The following ACSM2A variants were observed in gnomAD, a reference collection of about 807,000 sequenced individuals.
ACSM2A encodes acyl-CoA synthetase medium chain family member 2A.
ACSM2A carries 72 observed loss-of-function variants against 76.6 expected under a neutral mutation model. The ratio of observed to expected loss-of-function variants is 0.94; its 90% CI spans 0.78 to 1.14. The LOEUF is 1.14. Among genes scored for constraint, ACSM2A ranks in the 50% most tolerant of loss-of-function variants. The pLI, the probability that ACSM2A is intolerant of heterozygous loss-of-function variation, is 0.00. For missense variants in ACSM2A, 684 were observed against 708.5 expected (o/e 0.97, Z 0.39); for synonymous variants, 249 against 255.9 (o/e 0.97, Z 0.26).
chr16:20,486,014 A>G (rs532843703), intron 13 of ACSM2A, among the ~76,000 whole-genome samples: 1 of 152,340 alleles, frequency 6.6e-6, no homozygotes, highest in East Asian at 1.9e-4. Context: ...CTTAGGGTAC[A>G]TTGATAGGAA....
intron 2 of ACSM2A, among the ~76,000 whole-genome samples, chr16:20,462,833 A>G (rs2012711923): frequency 6.6e-6 from 1 of 152,076 alleles, no homozygotes; most frequent in African/African-American, 2.4e-5. Flanking sequence ...TACACCAAAA[A>G]AAACTTAAAA....
Position 20,471,138 on chromosome 16 carries a change from C to T in ACSM2A, c.662C>T (p.Thr221Ile), listed in dbSNP as rs760300722. ...CAGGAAGCATCTGCCATCTACTTCA[C>T]TAGTGGGACCAGTGGTCTTCCCAAG... is the stretch of plus-strand genomic sequence containing the variant. ...GSQEASAIYF[T>I]SGTSGLPKMA... The change falls in exon 5 of 14, where the codon ACT becomes ATT. Residue 221 changes from threonine (T) to isoleucine (I), a missense_variant. Coordinates refer to ENST00000573854, the MANE Select transcript of ACSM2A (RefSeq NM_001308172.2). 15 of 1,613,656 alleles carry T rather than the reference C, an allele frequency of 9.3e-6. No individual in the cohort carries two copies. Among genetic ancestry groups the T allele is most frequent in the East Asian group, 2.2e-5 (1 of 44,866 alleles).
At chr16:20,480,430 G>A (rs966253687) in intron 10 of ACSM2A, 143 bp from the exon 11 acceptor site, 62 of 1,451,294 alleles carry the variant, frequency 4.3e-5, no homozygotes, top group Non-Finnish European at 1.0e-5. Context: ...GGGTTGGCTG[G>A]TTCAGGGCAT....
At chr16:20,470,987 A>G in intron 4 of ACSM2A, 86 bp from the exon 5 acceptor site, 1 of 1,573,220 alleles carries the variant, frequency 6.4e-7, no homozygotes, top group African/African-American at 1.4e-5. Context: ...CCTTTTCAGC[A>G]CAGTGGGTGG....
At chr16:20,470,887 G>C (rs1403028639) in intron 4 of ACSM2A, 186 bp from the exon 5 acceptor site, 2 of 861,522 alleles carry the variant, frequency 2.3e-6, no homozygotes, top group South Asian at 2.8e-5. Context: ...TGAAACTTCA[G>C]TAGTTTTCAA....
intron 12 of ACSM2A, 29 bp from the exon 13 acceptor site, chr16:20,483,029 C>G: frequency 6.2e-7 from 1 of 1,612,002 alleles, no homozygotes; most frequent in Non-Finnish European, 8.5e-7. Context: ...ACTCTAATCC[C>G]TTCTCTCTGG....
At chr16:20,486,356 C>T (rs2014381663) in intron 13 of ACSM2A, among the ~76,000 whole-genome samples, 1 of 152,214 alleles carries the variant, frequency 6.6e-6, no homozygotes. Context: ...GCTGTTCCTT[C>T]TCTGTCTGAG....
chr16:20,452,204 T>C (rs1425038358), intron 1 of ACSM2A: 1 of 151,874 alleles, frequency 6.6e-6, no homozygotes, highest in Non-Finnish European at 1.5e-5. Flanking sequence ...TCAAAAGAGA[T>C]TAACATTTGA....
At chr16:20,479,453 C>A (rs528469969) in intron 10 of ACSM2A, among the ~76,000 whole-genome samples, 1 of 152,096 alleles carries the variant, frequency 6.6e-6, no homozygotes, top group Non-Finnish European at 1.5e-5. Context: ...TCAGTTTGCT[C>A]GAGTTCAAAA....
In ACSM2A at chr16:20,460,133, G is replaced by C; in HGVS notation, c.19G>C (p.Val7Leu). Residue 7 changes from valine (V) to leucine (L), a missense_variant, in exon 2 of 14, where the codon GTT (valine) becomes CTT (leucine). Transcript: ENST00000573854. MHWLRK[V>L]QGLCTLWGTQ... Reference sequence around the variant, plus strand: ...CCTGAATATGCATTGGCTGCGAAAAGTTCAGGGACTTTGCACCCTGTGGGG... The same window carrying C: ...CCTGAATATGCATTGGCTGCGAAAACTTCAGGGACTTTGCACCCTGTGGGG... 2 of 1,611,590 alleles carry C rather than the reference G, an allele frequency of 1.2e-6. No individual in the cohort carries two copies. Among genetic ancestry groups the C allele is most frequent in the Non-Finnish European group, 1.7e-6 (2 of 1,178,492 alleles).
At chr16:20,473,505 A>G (rs1338184279) in intron 6 of ACSM2A, among the ~76,000 whole-genome samples, 2 of 152,188 alleles carry the variant, frequency 1.3e-5, no homozygotes, top group Non-Finnish European at 2.9e-5. Flanking sequence ...GATCATTTTC[A>G]TAGCTTATAT....
chr16:20,454,432 G>A (rs1435142713), intron 1 of ACSM2A, among the ~76,000 whole-genome samples: 1 of 151,958 alleles, frequency 6.6e-6, no homozygotes, highest in Non-Finnish European at 1.5e-5. Flanking sequence ...AGTAGTGGCA[G>A]CATTCCCTCC....
At position 20,480,604 on chromosome 16, in the gene ACSM2A, G is replaced by A. The variant is rs138191656; in HGVS notation, c.1313G>A (p.Arg438Gln). 3.2e-3 allele frequency: 5,141 copies of A among 1,613,620 alleles called. 87 individuals are homozygous for A. In the African/African-American group the frequency reaches 0.058, roughly 18 times the overall value. ...DNPDKTAANI[R>Q]GDFWLLGDRG... ...CCCGACAAGACAGCAGCCAACATTCGAGGAGACTTTTGGCTCCTTGGAGAC... is the reference window on the plus strand; with the variant it reads ...CCCGACAAGACAGCAGCCAACATTCAAGGAGACTTTTGGCTCCTTGGAGAC... Residue 438 changes from arginine (R) to glutamine (Q), a missense_variant, in exon 11 of 14, where the codon CGA (arginine) becomes CAA (glutamine). Physicochemically the swap from Arg to Gln is conservative, Grantham distance 43. Coordinates refer to ENST00000573854, the MANE Select transcript of ACSM2A (RefSeq NM_001308172.2).
chr16:20,468,425 G>C (rs148931805), intron 3 of ACSM2A, among the ~76,000 whole-genome samples: 1 of 152,308 alleles, frequency 6.6e-6, no homozygotes, highest in East Asian at 1.9e-4. Flanking sequence ...CTGGAGTTCA[G>C]TGGTGCAATT....
chr16:20,478,829 A>T, intron 10 of ACSM2A, 152 bp downstream of exon 10: 1 of 1,186,792 alleles, frequency 8.4e-7, no homozygotes, highest in Non-Finnish European at 1.1e-6. Flanking sequence ...TTGCCAGTGG[A>T]AGAAAAGTGG....
chr16:20,473,874 A>G (rs1479419882), intron 6 of ACSM2A: 4 of 345,044 alleles, frequency 1.2e-5, no homozygotes, highest in African/African-American at 4.4e-5. Context: ...TAGTGCCAGT[A>G]CCTAAAAGCT....
At chr16:20,464,624 C>A (rs1428667556) in intron 2 of ACSM2A, among the ~76,000 whole-genome samples, 1 of 152,068 alleles carries the variant, frequency 6.6e-6, no homozygotes, top group African/African-American at 2.4e-5. Flanking sequence ...GTCCCACCCC[C>A]ATGATCCAAT....
chr16:20,464,537 G>T (rs1444493052), intron 2 of ACSM2A, among the ~76,000 whole-genome samples: 1 of 152,072 alleles, frequency 6.6e-6, no homozygotes, highest in African/African-American at 2.4e-5. Context: ...GAGTGAGAAG[G>T]TGCCACTCAC....
chr16:20,473,117 C>A (rs181329102), intron 6 of ACSM2A, among the ~76,000 whole-genome samples: 9 of 152,212 alleles, frequency 5.9e-5, no homozygotes, highest in East Asian at 1.9e-4. Flanking sequence ...CCCTGCTGTG[C>A]CCCCAGATCT....
Sources: allele counts gnomAD v4.1 joint callset (sites outside exome capture counted in the v4.1 genomes callset), GRCh38; gene constraint gnomAD v4.1.1; transcripts MANE v1.5; gene names NCBI Gene and HGNC (gene_info 2026-07-23, HGNC 2026-07-21).